The following PAK5 variants were observed in gnomAD, a reference collection of about 807,000 sequenced individuals.
PAK5 encodes the protein p21 (RAC1) activated kinase 5.
A neutral mutation model predicts 65.9 loss-of-function variants in PAK5; 16 were observed. The observed-to-expected ratio is 0.24, with a 90% CI of 0.16 to 0.37. PAK5 has a LOEUF of 0.37. PAK5 is among the 10% of genes least tolerant of loss of function. PAK5 has a pLI of 1.00. For synonymous variants in PAK5, 371 were observed against 354.9 expected, an observed-to-expected ratio of 1.05 and a Z score of -0.51; for missense variants, 785 against 903.9, an observed-to-expected ratio of 0.87 and a Z score of 1.69.
At chr20:9,731,484 G>T (rs2048334463) in intron 1 of PAK5, among the ~76,000 whole-genome samples, 1 of 152,126 alleles carries the variant, frequency 6.6e-6, no homozygotes, top group Non-Finnish European at 1.5e-5. Flanking sequence ...AGCCACATGT[G>T]GTTAGTGGCT....
intron 2 of PAK5, among the ~76,000 whole-genome samples, chr20:9,656,282 A>G (rs2047267177): frequency 6.6e-6 from 1 of 152,108 alleles, no homozygotes; most frequent in South Asian, 2.1e-4. Flanking sequence ...AGTCACTGAG[A>G]CAAAATATTT....
chr20:9,563,031 A>G lies in PAK5; in HGVS notation c.1483-7T>C. The stretch of plus-strand genomic sequence containing the variant: ...AATCCCGCATGATCACGACCTGGGG[A>G]AACGGGAAATATACTTTTGACTTGT... On this transcript the variant is annotated splice_region_variant and splice_polypyrimidine_tract_variant and intron_variant, in intron 5 of 9. Coordinates refer to ENST00000353224, the MANE Select transcript of PAK5 (RefSeq NM_177990.4). 6.2e-7 allele frequency: 1 copy of G among 1,612,126 alleles called. No homozygotes were observed. The highest frequency in any genetic ancestry group is 1.1e-5 in the South Asian group (1 of 90,820).
chr20:9,802,474 A>G (rs887715346), intron 1 of PAK5, among the ~76,000 whole-genome samples: 7 of 152,102 alleles, frequency 4.6e-5, no homozygotes, highest in African/African-American at 1.7e-4. Context: ...AGCATCTTAA[A>G]GGGAACCCCA....
chr20:9,733,592 G>A (rs1179552235), intron 1 of PAK5, among the ~76,000 whole-genome samples: 1 of 151,984 alleles, frequency 6.6e-6, no homozygotes, highest in African/African-American at 2.4e-5. Flanking sequence ...TTACAAGCAG[G>A]TGCCACCACA....
chr20:9,742,555 T>C (rs776680325), intron 1 of PAK5, among the ~76,000 whole-genome samples: 2 of 152,194 alleles, frequency 1.3e-5, no homozygotes, highest in African/African-American at 2.4e-5. Context: ...CAATTTCTGT[T>C]CAAACTGCAG....
chr20:9,789,884 T>C (rs529262136), intron 1 of PAK5, among the ~76,000 whole-genome samples: 1 of 152,248 alleles, frequency 6.6e-6, no homozygotes, highest in South Asian at 2.1e-4. Context: ...CAAAATGAAG[T>C]GGCTCATTTT....
chr20:9,728,360 T>G (rs1016988962), intron 1 of PAK5, among the ~76,000 whole-genome samples: 1 of 152,164 alleles, frequency 6.6e-6, no homozygotes, highest in Non-Finnish European at 1.5e-5. Context: ...ACAAATAAAC[T>G]AAAATAAGAG....
chr20:9,809,493 T>G (rs1360644874), intron 1 of PAK5, among the ~76,000 whole-genome samples: 6 of 152,118 alleles, frequency 3.9e-5, no homozygotes, highest in Non-Finnish European at 5.9e-5. Flanking sequence ...GACAACTGAA[T>G]GATCACACTC....
At chr20:9,816,128 G>A (rs2049354067) in intron 1 of PAK5, among the ~76,000 whole-genome samples, 1 of 152,140 alleles carries the variant, frequency 6.6e-6, no homozygotes, top group South Asian at 2.1e-4. Flanking sequence ...GGTTCAGAAA[G>A]TGGCAGTGTG....
intron 2 of PAK5, among the ~76,000 whole-genome samples, chr20:9,692,003 G>GT (rs2047804225): frequency 6.6e-6 from 1 of 152,132 alleles, no homozygotes; most frequent in Non-Finnish European, 1.5e-5. Context: ...GCAGCATCCT[G>GT]TTTAAGTCCA....
intron 3 of PAK5, among the ~76,000 whole-genome samples, chr20:9,621,597 C>T (rs219869): frequency 0.91 from 137,691 of 152,138 alleles, 62,420 homozygotes; most frequent in East Asian, 0.99. Context: ...AAAACTCTTA[C>T]ATACTTCCAA....
chr20:9,808,935 A>T (rs1382188050), intron 1 of PAK5, among the ~76,000 whole-genome samples: 2 of 152,212 alleles, frequency 1.3e-5, no homozygotes, highest in Non-Finnish European at 2.9e-5. Flanking sequence ...AGAAAAACAG[A>T]AGGTAATGCA....
chr20:9,675,154 T>G (rs2123382358), intron 2 of PAK5, among the ~76,000 whole-genome samples: 1 of 152,264 alleles, frequency 6.6e-6, no homozygotes, highest in East Asian at 1.9e-4. Flanking sequence ...GCTATGGAGA[T>G]CCTAGAAGCT....
chr20:9,674,977 T>C (rs2047549243), intron 2 of PAK5, among the ~76,000 whole-genome samples: 1 of 152,156 alleles, frequency 6.6e-6, no homozygotes, highest in African/African-American at 2.4e-5. Flanking sequence ...TCACAGCAGC[T>C]GGGGTGGCCC....
intron 1 of PAK5, among the ~76,000 whole-genome samples, chr20:9,788,975 C>G (rs1268709131): frequency 2.6e-5 from 4 of 152,152 alleles, no homozygotes; most frequent in Non-Finnish European, 5.9e-5. Context: ...TCACTATCCA[C>G]AAAGATGTCT....
chr20:9,546,263 T>A (rs767637697), intron 7 of PAK5, among the ~76,000 whole-genome samples: 2 of 152,204 alleles, frequency 1.3e-5, no homozygotes, highest in Non-Finnish European at 2.9e-5. Context: ...CACACACCTA[T>A]CTCTCTATCC....
chr20:9,650,476 T>C (rs1294207074), intron 2 of PAK5, among the ~76,000 whole-genome samples: 1 of 152,190 alleles, frequency 6.6e-6, no homozygotes, highest in Non-Finnish European at 1.5e-5. Flanking sequence ...TTTGCAAAAT[T>C]CCCTTGTTTT....
At chr20:9,680,398 G>A (rs577119035) in intron 2 of PAK5, among the ~76,000 whole-genome samples, 1 of 152,258 alleles carries the variant, frequency 6.6e-6, no homozygotes, top group Admixed American at 6.5e-5. Context: ...GAGGAAGTGA[G>A]ATAGGACCAA....
At chr20:9,605,538 T>C (rs2046438126) in intron 3 of PAK5, among the ~76,000 whole-genome samples, 2 of 152,168 alleles carry the variant, frequency 1.3e-5, no homozygotes, top group African/African-American at 2.4e-5. Flanking sequence ...TATTGCTAGA[T>C]TGGAGGAAGG....
Sources: allele counts gnomAD v4.1 joint callset (sites outside exome capture counted in the v4.1 genomes callset), GRCh38; gene constraint gnomAD v4.1.1; transcripts MANE v1.5; gene names NCBI Gene and HGNC (gene_info 2026-07-23, HGNC 2026-07-21).